The following ANKRD30B variants were observed in gnomAD, a reference collection of about 807,000 sequenced individuals.
ANKRD30B encodes ankyrin repeat domain 30B, also known as ankyrin repeat domain-containing protein 30B.
In ANKRD30B, 144 loss-of-function variants were observed where a neutral mutation model predicts 202.2. That is an observed-to-expected ratio of 0.71 (90% CI 0.62 to 0.82). The LOEUF is 0.82. Ranked by LOEUF, ANKRD30B falls within the 40% of genes least tolerant of loss-of-function variation. ANKRD30B has a pLI of 0.00. For missense variants in ANKRD30B, 1,487 were observed against 1,669.1 expected, an observed-to-expected ratio of 0.89 and a Z score of 1.90; for synonymous variants, 508 against 561.3, an observed-to-expected ratio of 0.91 and a Z score of 1.34.
At chr18:14,867,405 G>A in the ANKRD30B span, among the ~76,000 whole-genome samples, 30 of 151,914 alleles carry the variant, frequency 2.0e-4, no homozygotes, top group Middle Eastern at 3.4e-3. Context: ...TGGCCTCTGA[G>A]GAAGGGGCCC....
chr18:14,920,693 G>A, the ANKRD30B span, among the ~76,000 whole-genome samples: 1 of 152,254 alleles, frequency 6.6e-6, no homozygotes, highest in South Asian at 2.1e-4. Context: ...CAGGCTGAAA[G>A]TGTAGTAGGG....
At chr18:14,775,816 A>G (rs1020762656) in intron 9 of ANKRD30B, among the ~76,000 whole-genome samples, 2 of 152,240 alleles carry the variant, frequency 1.3e-5, no homozygotes, top group Non-Finnish European at 2.9e-5. Flanking sequence ...ATGTCAAAAG[A>G]TAAGTCTGTA....
chr18:14,826,937 T>G (rs1970695825), intron 32 of ANKRD30B, among the ~76,000 whole-genome samples: 1 of 152,138 alleles, frequency 6.6e-6, no homozygotes, highest in Non-Finnish European at 1.5e-5. Flanking sequence ...TATTGTAATC[T>G]CAAAGTTAGG....
At chr18:14,754,280 T>C (rs547193145) in intron 3 of ANKRD30B, among the ~76,000 whole-genome samples, 12 of 152,312 alleles carry the variant, frequency 7.9e-5, no homozygotes, top group Admixed American at 5.9e-4. Flanking sequence ...TCCATTTTTC[T>C]TGGGAAGCTT....
At chr18:14,920,742 G>A in the ANKRD30B span, among the ~76,000 whole-genome samples, 1 of 152,230 alleles carries the variant, frequency 6.6e-6, no homozygotes, top group Admixed American at 6.5e-5. Context: ...TCCTCTTCAG[G>A]TGGTTTTTGC....
chr18:14,840,417 T>C (rs1032903055), intron 36 of ANKRD30B, among the ~76,000 whole-genome samples, 171 bp from the exon 37 acceptor site: 15 of 152,234 alleles, frequency 9.9e-5, no homozygotes, highest in African/African-American at 3.6e-4. Flanking sequence ...CTCATGCCTG[T>C]AGTCCCAGCT....
rs1360900789 is a variant in ANKRD30B at position 14,799,103 on chromosome 18, T to C, written c.2032T>C (p.Ser678Pro). Residue 678 changes from serine (S) to proline (P), a missense_variant and splice_region_variant, in exon 21 of 44, where the codon TCT (serine) becomes CCT (proline). By Grantham distance (74) the Ser-to-Pro change is moderately conservative. Transcript: ENST00000690538. ...LKDRETLKAE[S>P]PDNDGLLKPT... ...TATATATGTCCCTTTTCTTTTAGAG[T>C]CTCCTGATAATGATGGTCTTCTGAA... is the stretch of plus-strand genomic sequence containing the variant. The C allele has an allele frequency of 1.3e-5, 20 of 1,573,818 alleles. No individual in the cohort carries two copies. Among genetic ancestry groups the C allele is most frequent in the Non-Finnish European group, 1.7e-5 (19 of 1,145,658 alleles).
intron 16 of ANKRD30B, among the ~76,000 whole-genome samples, chr18:14,794,563 T>A (rs958853770): frequency 6.6e-6 from 1 of 152,184 alleles, no homozygotes; most frequent in Non-Finnish European, 1.5e-5. Context: ...ATATATGAAT[T>A]TCTGAGGTTT....
At chr18:14,913,821 C>T in the ANKRD30B span, among the ~76,000 whole-genome samples, 1 of 152,216 alleles carries the variant, frequency 6.6e-6, no homozygotes, top group African/African-American at 2.4e-5. Context: ...CTCCCTCTCA[C>T]AGTGTCCTGT....
the ANKRD30B span, chr18:14,877,712 C>G: frequency 1.3e-5 from 2 of 152,158 alleles, no homozygotes; most frequent in Non-Finnish European, 2.9e-5. Context: ...GGTCTGTCCT[C>G]TTTCTACTGC....
At position 14,799,104 on chromosome 18, in the gene ANKRD30B, C is replaced by T. The variant is rs772080816; in HGVS notation, c.2033C>T (p.Ser678Phe). The T allele has an allele frequency of 1.3e-6, 2 of 1,574,048 alleles. No homozygotes were observed. The highest frequency in any genetic ancestry group is 2.2e-5 in the East Asian group (1 of 44,502). ...LKDRETLKAE[S>F]PDNDGLLKPT... ...ATATATGTCCCTTTTCTTTTAGAGT[C>T]TCCTGATAATGATGGTCTTCTGAAG... Residue 678 changes from serine to phenylalanine, a missense_variant, in exon 21 of 44, where the codon TCT (serine) becomes TTT (phenylalanine). This residue lies in a region of ANKRD30B where 889 missense variants were observed against 841.4 expected (regional missense o/e 1.06). Coordinates refer to ENST00000690538, the MANE Select transcript of ANKRD30B (RefSeq NM_001367607.2).
chr18:14,820,564 T>C (rs1292466581), intron 30 of ANKRD30B, among the ~76,000 whole-genome samples: 3 of 152,050 alleles, frequency 2.0e-5, no homozygotes, highest in African/African-American at 7.3e-5. Flanking sequence ...TGAGTGTTTT[T>C]AGCATGAAGG....
At chr18:14,842,547 A>C (rs1218791573) in intron 37 of ANKRD30B, among the ~76,000 whole-genome samples, 2 of 152,206 alleles carry the variant, frequency 1.3e-5, no homozygotes, top group Non-Finnish European at 2.9e-5. Context: ...TTCTATATTC[A>C]GCTTTGACAT....
intron 33 of ANKRD30B, among the ~76,000 whole-genome samples, chr18:14,830,905 G>T (rs545540084): frequency 1.3e-5 from 2 of 152,228 alleles, no homozygotes; most frequent in East Asian, 3.9e-4. Flanking sequence ...CAGAGGGGCC[G>T]GGCGCGGTGG....
At chr18:14,883,429 ATATATATC>A in the ANKRD30B span, 1 of 81,054 alleles carries the variant, frequency 1.2e-5, no homozygotes, top group South Asian at 4.5e-4. Flanking sequence ...ATATATATCT[ATATATATC>A]TCCTGTTCTG....
the ANKRD30B span, among the ~76,000 whole-genome samples, chr18:14,862,966 T>A: frequency 6.6e-6 from 1 of 152,186 alleles, no homozygotes; most frequent in Admixed American, 6.5e-5. Context: ...CATTTGGGAA[T>A]TGGAATATTT....
downstream of ANKRD30B, among the ~76,000 whole-genome samples, chr18:14,856,460 C>T (rs374276723): frequency 9.0e-5 from 13 of 144,162 alleles, no homozygotes; most frequent in Middle Eastern, 3.9e-3. Flanking sequence ...CCAGACCGGG[C>T]GGCCGGCCAG....
intron 23 of ANKRD30B, 136 bp from the exon 24 acceptor site, chr18:14,803,598 C>T (rs548951464): frequency 5.8e-5 from 62 of 1,060,940 alleles, no homozygotes; most frequent in Admixed American, 5.4e-4. Context: ...GGTTTCAACA[C>T]ATGTCTGCTC....
chr18:14,864,474 C>T, the ANKRD30B span, among the ~76,000 whole-genome samples: 2 of 152,112 alleles, frequency 1.3e-5, no homozygotes, highest in South Asian at 2.1e-4. Context: ...TTGGCTCCCT[C>T]TCTCACCACC....
Sources: allele counts gnomAD v4.1 joint callset (sites outside exome capture counted in the v4.1 genomes callset), GRCh38; gene constraint gnomAD v4.1.1; regional missense constraint gnomAD v4.1.1; transcripts MANE v1.5; gene names NCBI Gene and HGNC (gene_info 2026-07-23, HGNC 2026-07-21).